Variants in RDX observed in about 807,000 individuals in gnomAD.
The protein encoded by RDX is radixin.
Under a neutral mutation model 83.7 loss-of-function variants are expected in RDX, and 32 were observed. That is an observed-to-expected ratio of 0.38 (90% CI 0.29 to 0.51). The LOEUF (loss-of-function observed/expected upper bound fraction) is 0.51. Ranked by LOEUF, RDX falls within the 20% of genes least tolerant of loss-of-function variation. RDX has a pLI of 0.87. For missense variants in RDX, 600 were observed against 689.9 expected (o/e 0.87, Z 1.46); for synonymous variants, 229 against 222.7 (o/e 1.03, Z -0.25).
At chr11:110,248,236 AAATAAT>A (rs1295490969) in intron 9 of RDX, among the ~76,000 whole-genome samples, 3 of 152,212 alleles carry the variant, frequency 2.0e-5, no homozygotes, top group Non-Finnish European at 4.4e-5. Context: ...TACTGAAATA[AAATAAT>A]AATAATTGGA....
At chr11:110,187,137 G>T (rs1314947553) in intron 15 of RDX, among the ~76,000 whole-genome samples, 1 of 152,210 alleles carries the variant, frequency 6.6e-6, no homozygotes, top group Non-Finnish European at 1.5e-5. Flanking sequence ...GTGCCTTAGA[G>T]ATCGTGGCAC....
At chr11:110,198,820 CTTTT>C (rs34948055) in intron 15 of RDX, among the ~76,000 whole-genome samples, 2 of 146,950 alleles carry the variant, frequency 1.4e-5, no homozygotes. Context: ...CTGAATACGT[CTTTT>C]TTTTTTTTTT....
In RDX at chr11:110,201,574, G is replaced by A. The variant is rs921783539; in HGVS notation, c.1749-1896C>T. On this transcript the variant is annotated intron_variant, in intron 14 of 15. Transcript: ENST00000528498. ...AGCTGAAGGCAGCAGCAACTGAAGGGTAGTGAGGGTGAGATACATAAAAAT... is the reference window on the plus strand; with the variant it reads ...AGCTGAAGGCAGCAGCAACTGAAGGATAGTGAGGGTGAGATACATAAAAAT... Among the ~76,000 whole-genome samples, 4 of 152,280 alleles carry A rather than the reference G, an allele frequency of 2.6e-5. No homozygotes were observed. The South Asian group carries it at 8.3e-4, about 32-fold the overall frequency.
rs531174797 is a variant in RDX at position 110,238,857 on chromosome 11, G to A, written c.1091-1205C>T. Among the ~76,000 whole-genome samples, 11 of 151,612 alleles carry A rather than the reference G, an allele frequency of 7.3e-5. No homozygotes were observed. In the East Asian group the frequency reaches 7.8e-4, roughly 11 times the overall value. ...GAAGAATCTCTTGAACCCAGGAGGC[G>A]GAGGCTGCAGTGAGCCAAGATTGCA... is the stretch of plus-strand genomic sequence containing the variant. On this transcript the variant is annotated intron_variant, in intron 10 of 13. Transcript: ENST00000645495.
chr11:110,261,481 T>C (rs1322162072), intron 5 of RDX, among the ~76,000 whole-genome samples: 1 of 152,232 alleles, frequency 6.6e-6, no homozygotes, highest in African/African-American at 2.4e-5. Flanking sequence ...TAAATTATTT[T>C]ATTTGATTTG....
chr11:110,242,928 T>C lies in RDX; in HGVS notation c.1090+4775A>G, dbSNP rs535376758. 3.3e-5 allele frequency among the ~76,000 whole-genome samples: 5 copies of C among 152,176 alleles called. No individual in the cohort carries two copies. In the South Asian group the frequency reaches 1.0e-3, roughly 32 times the overall value. On this transcript the variant is annotated intron_variant, in intron 10 of 13. Transcript: ENST00000645495. ...ATAGCCACCCTCATTTGTTTAGGTA[T>C]TATAGTACACAGCTGCTTTCACACT...
chr11:110,247,639 AT>A (rs1025473400), intron 10 of RDX, 63 bp downstream of exon 10: 24 of 1,546,608 alleles, frequency 1.6e-5, no homozygotes, highest in South Asian at 5.9e-5. Flanking sequence ...ACTAAAAAAA[AT>A]ACCACTATCT....
chr11:110,178,999 AG>A (rs1862830277), intron 15 of RDX, among the ~76,000 whole-genome samples: 2 of 152,302 alleles, frequency 1.3e-5, no homozygotes, highest in South Asian at 4.1e-4. Flanking sequence ...CCCTGCAAAC[AG>A]GTAGTACCAG....
chr11:110,253,091 T>A (rs186254177), intron 9 of RDX, among the ~76,000 whole-genome samples: 1 of 152,304 alleles, frequency 6.6e-6, no homozygotes, highest in Admixed American at 6.5e-5. Context: ...CACAGAACAG[T>A]TGTTGAATAA....
chr11:110,216,826 T>G (rs1164172899), intron 14 of RDX, among the ~76,000 whole-genome samples: 3 of 152,180 alleles, frequency 2.0e-5, no homozygotes, highest in Non-Finnish European at 2.9e-5. Flanking sequence ...ATAGCTGACA[T>G]GTATAATCTG....
intron 3 of RDX, among the ~76,000 whole-genome samples, chr11:110,266,921 C>T (rs571517417): frequency 3.3e-5 from 5 of 151,694 alleles, no homozygotes; most frequent in African/African-American, 4.8e-5. Context: ...TGTTTTGAGA[C>T]GGGGTCTCAC....
chr11:110,260,921 G>T (rs140349613), intron 5 of RDX, among the ~76,000 whole-genome samples: 1 of 151,992 alleles, frequency 6.6e-6, no homozygotes, highest in African/African-American at 2.4e-5. Context: ...TTTCATTGCT[G>T]TGTTATTTTT....
downstream of RDX, among the ~76,000 whole-genome samples, chr11:110,228,524 T>C (rs1297041194): frequency 3.3e-5 from 5 of 152,108 alleles, no homozygotes; most frequent in Non-Finnish European, 7.4e-5. Context: ...TAGTTCAGTA[T>C]GTTAATGCTA....
At chr11:110,234,784 A>T (rs1565306016) in intron 12 of RDX, among the ~76,000 whole-genome samples, 1 of 152,180 alleles carries the variant, frequency 6.6e-6, no homozygotes, top group Non-Finnish European at 1.5e-5. Flanking sequence ...ATACATATAA[A>T]ATTACCCAAT....
At chr11:110,237,410 G>A (rs1176018895) in intron 11 of RDX, 82 bp downstream of exon 11, 11 of 1,360,328 alleles carry the variant, frequency 8.1e-6, no homozygotes, top group African/African-American at 1.5e-5. Context: ...GCACAAAATG[G>A]TTGCTTTTCT....
At chr11:110,278,267 T>C (rs1051648345) in intron 2 of RDX, among the ~76,000 whole-genome samples, 1 of 152,158 alleles carries the variant, frequency 6.6e-6, no homozygotes, top group African/African-American at 2.4e-5. Flanking sequence ...TGTACACATT[T>C]TGGCATATCC....
chr11:110,209,588 G>C (rs1010106422), intron 14 of RDX, among the ~76,000 whole-genome samples: 1 of 151,518 alleles, frequency 6.6e-6, no homozygotes, highest in Non-Finnish European at 1.5e-5. Flanking sequence ...AAATGTCCCT[G>C]TCTGACAGCT....
chr11:110,240,189 T>C (rs12799557), intron 10 of RDX, among the ~76,000 whole-genome samples: 60,073 of 152,048 alleles, frequency 0.4, 12,070 homozygotes, highest in East Asian at 0.61. Flanking sequence ...ACATACACTA[T>C]GGAATATTAT....
chr11:110,263,612 G>C (rs897564391), intron 5 of RDX, among the ~76,000 whole-genome samples: 4 of 151,320 alleles, frequency 2.6e-5, no homozygotes, highest in Non-Finnish European at 4.4e-5. Context: ...TGTAATCCCA[G>C]CACTTTGGGA....
Sources: allele counts gnomAD v4.1 joint callset (sites outside exome capture counted in the v4.1 genomes callset), GRCh38; gene constraint gnomAD v4.1.1; transcripts MANE v1.5; gene names NCBI Gene and HGNC (gene_info 2026-07-23, HGNC 2026-07-21).